The following RASGEF1A variants were observed in gnomAD, a reference collection of about 807,000 sequenced individuals.
RASGEF1A encodes ras-GEF domain-containing family member 1A.
Under a neutral mutation model 56.4 loss-of-function variants are expected in RASGEF1A, and 18 were observed. The ratio of observed to expected loss-of-function variants is 0.32; its 90% CI spans 0.22 to 0.47. RASGEF1A has a LOEUF of 0.47. Among genes scored for constraint, RASGEF1A ranks in the 20% least tolerant of loss-of-function variants. RASGEF1A has a pLI of 1.00. For synonymous variants in RASGEF1A, 245 were observed against 242.6 expected, an observed-to-expected ratio of 1.01 and a Z score of -0.09; for missense variants, 422 against 627.1, an observed-to-expected ratio of 0.67 and a Z score of 3.49.
intron 1 of RASGEF1A, among the ~76,000 whole-genome samples, chr10:43,217,908 C>T (rs1020041602): frequency 6.6e-6 from 1 of 152,210 alleles, no homozygotes; most frequent in Non-Finnish European, 1.5e-5. Flanking sequence ...TCTCCCTTAA[C>T]TCCAGGGAGC....
At position 43,201,321 on chromosome 10, in the gene RASGEF1A, G is replaced by A. The variant is rs7918711; in HGVS notation, c.460-433C>T. Among the ~76,000 whole-genome samples the A allele has an allele frequency of 9.0e-3, 1,371 of 152,294 alleles. 21 individuals are homozygous for A. Among genetic ancestry groups the A allele is most frequent in the African/African-American group, 0.032 (1,327 of 41,552 alleles). On this transcript the variant is annotated intron_variant, in intron 4 of 12. Coordinates refer to ENST00000395810, the MANE Select transcript of RASGEF1A (RefSeq NM_145313.4). ...CCTGGCTCCTCCTGGAGTACTCGGG[G>A]TGAACAGGAGCTGCTAAGCACAGGG...
At chr10:43,240,677 C>T (rs1035547847) in intron 1 of RASGEF1A, among the ~76,000 whole-genome samples, 2 of 151,164 alleles carry the variant, frequency 1.3e-5, no homozygotes, top group African/African-American at 4.9e-5. Context: ...CAGTCTGAGG[C>T]ACAGAAAGAA....
rs974044586 is a variant in RASGEF1A, at chr10:43,261,256, A to T, written c.-7+5589T>A. 3.3e-5 allele frequency among the ~76,000 whole-genome samples: 5 copies of T among 152,218 alleles called. 1 individual carries two copies. The South Asian group carries it at 1.0e-3, about 32-fold the overall frequency. Reference sequence around the variant, plus strand: ...GCAGGGCAGTTGATCTGGCCCAGGTACCTGCAGGTCACCTCACAGCAGGTC... The same window carrying T: ...GCAGGGCAGTTGATCTGGCCCAGGTTCCTGCAGGTCACCTCACAGCAGGTC... On this transcript the variant is annotated intron_variant, in intron 1 of 12. Transcript: ENST00000395810.
intron 1 of RASGEF1A, among the ~76,000 whole-genome samples, chr10:43,261,405 T>G (rs1231733761): frequency 6.6e-6 from 1 of 152,202 alleles, no homozygotes; most frequent in African/African-American, 2.4e-5. Context: ...GGGCCCTGCC[T>G]GCAATGGACA....
rs937476426 is a variant in RASGEF1A, at chr10:43,196,789, T to A, written c.1348+187A>T. On this transcript the variant is annotated intron_variant, in intron 11 of 12. Coordinates refer to ENST00000395810, the MANE Select transcript of RASGEF1A (RefSeq NM_145313.4). The surrounding 1 kb of genome is among the most constrained non-coding windows in gnomAD (Gnocchi z 4.6). ...TCCAGTGGCTGCTGGAAACTGAGTCTCTTGTCCTTCTCTTCCATCCATCCC... is the reference window on the plus strand; with the variant it reads ...TCCAGTGGCTGCTGGAAACTGAGTCACTTGTCCTTCTCTTCCATCCATCCC... Among the ~76,000 whole-genome samples the A allele has an allele frequency of 1.3e-5, 2 of 152,168 alleles. No homozygotes were observed. Among genetic ancestry groups the A allele is most frequent in the Non-Finnish European group, 2.9e-5 (2 of 68,014 alleles).
intron 1 of RASGEF1A, among the ~76,000 whole-genome samples, chr10:43,228,954 G>A (rs1796885904): frequency 6.6e-6 from 1 of 152,224 alleles, no homozygotes; most frequent in African/African-American, 2.4e-5. Context: ...CCACGCTGTG[G>A]GCACTCAGAA....
chr10:43,202,811 C>T lies in RASGEF1A; in HGVS notation c.321+487G>A, dbSNP rs879376061. 9.2e-6 allele frequency: 4 copies of T among 435,024 alleles called. No individual in the cohort carries two copies. In the Admixed American group the frequency reaches 9.6e-5, roughly 10 times the overall value. 26.9% of individuals were successfully genotyped at this position (435,024 alleles called of 1,614,324 possible). On this transcript the variant is annotated intron_variant, in intron 3 of 12. Coordinates refer to ENST00000395810, the MANE Select transcript of RASGEF1A (RefSeq NM_145313.4). ...CCCACAGCTCCAGCCCAGACCTCAC[C>T]CCAGCCTGGTGTGGCGTCACGCCCC...
intron 3 of RASGEF1A, chr10:43,202,533 G>A (rs973588410): frequency 8.8e-6 from 4 of 452,118 alleles, no homozygotes; most frequent in African/African-American, 2.0e-5. Flanking sequence ...CTCAGGCGCC[G>A]CGCCCCCATC....
At chr10:43,261,018 T>A (rs1376158815) in intron 1 of RASGEF1A, among the ~76,000 whole-genome samples, 4 of 152,158 alleles carry the variant, frequency 2.6e-5, no homozygotes, top group Admixed American at 2.0e-4. Context: ...GCTCAGCCTG[T>A]GCGCACCCAC....
At chr10:43,245,402 C>G (rs1276789364) in intron 1 of RASGEF1A, among the ~76,000 whole-genome samples, 1 of 152,134 alleles carries the variant, frequency 6.6e-6, no homozygotes, top group Admixed American at 6.5e-5. Context: ...AAATAGAATA[C>G]AAAGCACTAA....
chr10:43,198,273 C>T, intron 9 of RASGEF1A, 78 bp from the exon 10 acceptor site: 1 of 1,290,450 alleles, frequency 7.7e-7, no homozygotes, highest in Non-Finnish European at 1.1e-6. Context: ...CTCTGCAGAG[C>T]AGGAGGCAGC....
chr10:43,201,214 C>T (rs577397662), intron 4 of RASGEF1A, among the ~76,000 whole-genome samples: 1 of 152,260 alleles, frequency 6.6e-6, no homozygotes, highest in East Asian at 1.9e-4. Flanking sequence ...GCAGGAGCAG[C>T]CCATAGAACA....
At chr10:43,201,587 A>C (rs1015311964) in intron 4 of RASGEF1A, among the ~76,000 whole-genome samples, 2 of 152,210 alleles carry the variant, frequency 1.3e-5, no homozygotes, top group Admixed American at 6.5e-5. Flanking sequence ...ACCGGGCTGC[A>C]AGGTCCCTGC....
intron 1 of RASGEF1A, among the ~76,000 whole-genome samples, chr10:43,247,730 A>G (rs2460550): frequency 0.76 from 116,131 of 152,174 alleles, 44,475 homozygotes; most frequent in East Asian, 0.96. Context: ...GGTTACCAGA[A>G]GCTGGTGGGT....
At position 43,200,555 on chromosome 10, in the gene RASGEF1A, C is replaced by T. The variant is rs111950946; in HGVS notation, c.681+112G>A. The T allele has an allele frequency of 3.9e-5, 38 of 974,100 alleles. 2 individuals are homozygous for T. Among genetic ancestry groups the T allele is most frequent in the African/African-American group, 3.4e-4 (21 of 62,166 alleles). The allele number at this position is 974,100 out of a possible 1,614,324, so 60.3% of individuals were successfully genotyped here. ...AAGTGTGGCAGTCAGGGCTGGCAAG[C>T]GCACTTCCCTGATGGCTCAGTGTGA... On this transcript the variant is annotated intron_variant, in intron 5 of 12. Coordinates refer to ENST00000395810, the MANE Select transcript of RASGEF1A (RefSeq NM_145313.4).
intron 1 of RASGEF1A, among the ~76,000 whole-genome samples, chr10:43,213,134 C>T (rs1268005840): frequency 6.6e-6 from 1 of 152,152 alleles, no homozygotes; most frequent in Non-Finnish European, 1.5e-5. Flanking sequence ...TACAGACTCA[C>T]ATTTAGATAG....
chr10:43,262,468 C>T (rs773600014), intron 1 of RASGEF1A, among the ~76,000 whole-genome samples: 8 of 152,176 alleles, frequency 5.3e-5, no homozygotes, highest in Non-Finnish European at 1.0e-4. Flanking sequence ...GTCTGCTTCC[C>T]TCTCCTCTCC....
chr10:43,208,274 C>A lies in RASGEF1A; in HGVS notation c.-6-2152G>T, dbSNP rs571369578. 9 of 985,546 alleles carry A rather than the reference C, an allele frequency of 9.1e-6. No individual in the cohort carries two copies. In the African/African-American group the frequency reaches 1.4e-4, roughly 15 times the overall value. The allele number at this position is 985,546 out of a possible 1,614,324, so 61.1% of individuals were successfully genotyped here. On this transcript the variant is annotated intron_variant, in intron 1 of 12. Coordinates refer to ENST00000395810, the MANE Select transcript of RASGEF1A (RefSeq NM_145313.4). ...GCCGAGCCACTGGCCTCTCCCACTG[C>A]AGGCTGCTCTGGTCAGGAGGTAGTA...
Position 43,200,171 on chromosome 10 carries a change from G to A in RASGEF1A, c.756+11C>T. ...GGCTGGCAGGGGTGCCACAGGCCTT[G>A]GCCCACTTACCCTGTGGTTGTCCAA... On this transcript the variant is annotated intron_variant, in intron 6 of 12. Transcript: ENST00000395810. 6.3e-7 allele frequency: 1 copy of A among 1,587,040 alleles called. No homozygotes were observed.
Sources: allele counts gnomAD v4.1 joint callset (sites outside exome capture counted in the v4.1 genomes callset), GRCh38; gene constraint gnomAD v4.1.1; non-coding constraint Gnocchi (gnomAD v3.1); transcripts MANE v1.5; gene names NCBI Gene and HGNC (gene_info 2026-07-23, HGNC 2026-07-21).